Variants in MBD5 observed in about 807,000 individuals in gnomAD.
MBD5 encodes methyl-CpG-binding domain protein 5.
MBD5 carries 13 observed loss-of-function variants against 117.3 expected under a neutral mutation model. The ratio of observed to expected loss-of-function variants is 0.11; its 90% CI spans 0.07 to 0.18. The LOEUF (loss-of-function observed/expected upper bound fraction) is 0.18. Among genes scored for constraint, MBD5 ranks in the 10% least tolerant of loss-of-function variants. The pLI, the probability that MBD5 is intolerant of heterozygous loss-of-function variation, is 1.00. For missense variants in MBD5, 1,879 were observed against 2,093.8 expected, an observed-to-expected ratio of 0.90 and a Z score of 2.00; for synonymous variants, 727 against 766.4, an observed-to-expected ratio of 0.95 and a Z score of 0.85.
At chr2:148,325,107 C>A (rs958376630) in intron 3 of MBD5, among the ~76,000 whole-genome samples, 9 of 152,102 alleles carry the variant, frequency 5.9e-5, no homozygotes, top group Non-Finnish European at 1.3e-4. Context: ...TGGTTTTTGT[C>A]TTTGGTTCTG....
chr2:148,123,232 A>G (rs1696810771), intron 1 of MBD5, among the ~76,000 whole-genome samples: 1 of 152,254 alleles, frequency 6.6e-6, no homozygotes, highest in African/African-American at 2.4e-5. Flanking sequence ...AAATTTTTGG[A>G]AACTTTTCAA....
At chr2:148,497,810 AAG>A (rs1681748296) in intron 11 of MBD5, among the ~76,000 whole-genome samples, 1 of 152,056 alleles carries the variant, frequency 6.6e-6, no homozygotes, top group African/African-American at 2.4e-5. Flanking sequence ...AAAACTAAAA[AAG>A]AATATTTAAA....
intron 4 of MBD5, among the ~76,000 whole-genome samples, chr2:148,379,930 T>G (rs1212039350): frequency 6.6e-6 from 1 of 152,110 alleles, no homozygotes; most frequent in Non-Finnish European, 1.5e-5. Flanking sequence ...ATTTTAAGTA[T>G]AGAAGAAGTG....
At chr2:148,086,214 T>C (rs1366857763) in intron 1 of MBD5, among the ~76,000 whole-genome samples, 1 of 151,848 alleles carries the variant, frequency 6.6e-6, no homozygotes, top group Non-Finnish European at 1.5e-5. Context: ...TGTGTATGGT[T>C]TCTGAAACTT....
chr2:148,362,893 G>T (rs1326298070), intron 4 of MBD5, among the ~76,000 whole-genome samples: 1 of 152,124 alleles, frequency 6.6e-6, no homozygotes, highest in South Asian at 2.1e-4. Flanking sequence ...TGCAGCAAAG[G>T]GGCCTGACTG....
intron 3 of MBD5, among the ~76,000 whole-genome samples, chr2:148,251,753 C>T (rs1700470644): frequency 6.6e-6 from 1 of 152,026 alleles, no homozygotes; most frequent in Admixed American, 6.6e-5. Context: ...AGCAAATGTA[C>T]CTATGGTCAA....
At chr2:148,328,731 G>T (rs549739326) in intron 3 of MBD5, among the ~76,000 whole-genome samples, 2 of 152,080 alleles carry the variant, frequency 1.3e-5, no homozygotes, top group Non-Finnish European at 2.9e-5. Flanking sequence ...ACTGACCTGC[G>T]CCCACTGTCT....
chr2:148,183,945 T>A (rs546108956), intron 2 of MBD5, among the ~76,000 whole-genome samples: 24 of 152,152 alleles, frequency 1.6e-4, no homozygotes, highest in South Asian at 6.2e-4. Context: ...AAAATTTTTT[T>A]AATTAATTTA....
chr2:148,371,596 A>G (rs952906105), intron 4 of MBD5, among the ~76,000 whole-genome samples: 17 of 152,156 alleles, frequency 1.1e-4, no homozygotes, highest in African/African-American at 4.1e-4. Flanking sequence ...AAGCATCCCT[A>G]AAGTGTGTGA....
intron 4 of MBD5, among the ~76,000 whole-genome samples, chr2:148,388,197 G>T (rs1273153204): frequency 1.3e-5 from 2 of 152,114 alleles, no homozygotes; most frequent in African/African-American, 4.8e-5. Context: ...CCACACAAAG[G>T]AATGGCGAAT....
intron 11 of MBD5, among the ~76,000 whole-genome samples, chr2:148,500,548 T>C (rs1559104620): frequency 1.3e-5 from 2 of 152,312 alleles, no homozygotes; most frequent in Non-Finnish European, 2.9e-5. Context: ...AGTCCATAAT[T>C]AATTAAAAAT....
chr2:148,294,196 GTTTTT>G (rs60942822), intron 3 of MBD5, among the ~76,000 whole-genome samples: 1 of 127,176 alleles, frequency 7.9e-6, no homozygotes, highest in African/African-American at 3.0e-5. Flanking sequence ...CCAGAATGAA[GTTTTT>G]TTTTTTTTTT....
intron 3 of MBD5, among the ~76,000 whole-genome samples, chr2:148,292,540 T>C (rs1253160178): frequency 1.3e-5 from 2 of 152,126 alleles, no homozygotes; most frequent in African/African-American, 4.8e-5. Flanking sequence ...CCAATTAAAA[T>C]GACTTATATC....
intron 4 of MBD5, among the ~76,000 whole-genome samples, chr2:148,445,011 C>G (rs919375947): frequency 6.6e-6 from 1 of 151,178 alleles, no homozygotes; most frequent in Non-Finnish European, 1.5e-5. Context: ...CCCTTGCTTG[C>G]TCCTTTGTCT....
intron 1 of MBD5, among the ~76,000 whole-genome samples, chr2:148,127,497 G>T (rs534846331): frequency 2.0e-5 from 3 of 152,226 alleles, no homozygotes; most frequent in Admixed American, 6.5e-5. Context: ...TTGGTTTTCT[G>T]TTCCTGTATT....
intron 1 of MBD5, among the ~76,000 whole-genome samples, chr2:148,172,003 T>C (rs1443769420): frequency 1.3e-5 from 2 of 152,182 alleles, no homozygotes; most frequent in Admixed American, 1.3e-4. Context: ...CAAGACCCCA[T>C]CTCTACAAAG....
chr2:148,470,261 G>A lies in MBD5; in HGVS notation c.2318G>A (p.Ser773Asn), dbSNP rs1178805384. The change falls in exon 8 of 14, where the codon AGT (serine) becomes AAT (asparagine). Residue 773 changes from serine (S) to asparagine (N), a missense_variant. Coordinates refer to ENST00000642680, the MANE Select transcript of MBD5 (RefSeq NM_001378120.1). ...AACACTAACTTTGTTCACAGTAACA[G>A]TCCAGTCCCCAACCACCATCTTGCA... is the stretch of plus-strand genomic sequence containing the variant. ...NANTNFVHSN[S>N]PVPNHHLAGL... The A allele has an allele frequency of 6.2e-7, 1 of 1,613,970 alleles. No individual in the cohort carries two copies. Among genetic ancestry groups the A allele is most frequent in the Admixed American group, 1.7e-5 (1 of 59,994 alleles).
At chr2:148,173,393 C>T (rs1341841086) in intron 1 of MBD5, among the ~76,000 whole-genome samples, 2 of 152,228 alleles carry the variant, frequency 1.3e-5, no homozygotes, top group Non-Finnish European at 2.9e-5. Flanking sequence ...GCAGTCAGCA[C>T]GCCTGGCTCT....
chr2:148,178,405 G>T (rs927901356), intron 1 of MBD5, among the ~76,000 whole-genome samples: 3 of 152,094 alleles, frequency 2.0e-5, no homozygotes, highest in Non-Finnish European at 4.4e-5. Context: ...ATTTTAAATC[G>T]TATAAAAATT....
Sources: gnomAD v4.1 joint callset for allele counts (sites outside exome capture counted in the v4.1 genomes callset) on GRCh38, gnomAD v4.1.1 for gene constraint, MANE v1.5 for transcripts, NCBI Gene and HGNC (gene_info 2026-07-23, HGNC 2026-07-21) for gene names.